The following VCAN variants were observed in gnomAD, a reference collection of about 807,000 sequenced individuals.
The protein encoded by VCAN is versican core protein.
VCAN carries 44 observed loss-of-function variants against 245.5 expected under a neutral mutation model. The observed-to-expected ratio is 0.18, with a 90% CI of 0.14 to 0.23. VCAN has a LOEUF of 0.23. VCAN is among the 10% of genes least tolerant of loss of function. The pLI is 1.00. For synonymous variants in VCAN, 1,413 were observed against 1,437.0 expected (o/e 0.98, Z 0.38); for missense variants, 3,793 against 4,057.9 (o/e 0.93, Z 1.77).
chr5:83,521,286 G>T lies in VCAN; in HGVS notation c.2980G>T (p.Asp994Tyr). 1 of 1,614,074 alleles carries T rather than the reference G, an allele frequency of 6.2e-7. No individual in the cohort carries two copies. The highest frequency in any genetic ancestry group is 8.5e-7 in the Non-Finnish European group (1 of 1,179,932). ...GTTAGTACCTTCTGTTCCATCAGAA[G>T]ATGAAGTTCTAGGTGAACCCTCTCA... is the stretch of plus-strand genomic sequence containing the variant. ...GVLVPSVPSEDEVLGEPSQDI... is the reference protein window; with the variant it reads ...GVLVPSVPSEYEVLGEPSQDI... Residue 994 changes from aspartate (D) to tyrosine (Y), a missense_variant, in exon 7 of 15, where the codon GAT becomes TAT. By Grantham distance (160) the Asp-to-Tyr change is radical (BLOSUM62 -3). Around this residue, in one of 5 missense-constraint regions of VCAN, gnomAD observed 3,182 missense variants for 3,250.3 expected, o/e 0.98. Coordinates refer to ENST00000265077, the MANE Select transcript of VCAN (RefSeq NM_004385.5).
chr5:83,552,984 T>C (rs986119231), intron 10 of VCAN, among the ~76,000 whole-genome samples: 1 of 152,202 alleles, frequency 6.6e-6, no homozygotes, highest in African/African-American at 2.4e-5. Context: ...GGAACTCTTA[T>C]CTATCACTTG....
chr5:83,546,683 C>T (rs892314445), intron 9 of VCAN, among the ~76,000 whole-genome samples: 3 of 152,042 alleles, frequency 2.0e-5, no homozygotes, highest in Non-Finnish European at 1.5e-5. Flanking sequence ...GTCGAGGCTG[C>T]AGTGAGCTGT....
At chr5:83,523,958 C>T (rs532980855) in intron 7 of VCAN, among the ~76,000 whole-genome samples, 12 of 152,158 alleles carry the variant, frequency 7.9e-5, no homozygotes, top group Non-Finnish European at 1.6e-4. Context: ...CACTTAGTTT[C>T]ATAATTTAAA....
chr5:83,519,544 AG>A lies in VCAN; in HGVS notation c.1240del (p.Ala414LeufsTer6). 6.2e-7 allele frequency: 1 copy of A among 1,614,154 alleles called. No individual in the cohort carries two copies. The highest frequency in any genetic ancestry group is 1.3e-5 in the African/African-American group (1 of 75,062). On this transcript the variant is annotated frameshift_variant, in exon 7 of 15. Coordinates refer to ENST00000265077, the MANE Select transcript of VCAN (RefSeq NM_004385.5). LOFTEE classifies it high-confidence loss of function. ...GAACAGAAAGCCACAGTCCAACCTC[AG>A]GCTATCACAGATAGTTTAGCCACCA... is the stretch of plus-strand genomic sequence containing the variant. ...SFEQKATVQP[Q>X]AITDSLATKL...
chr5:83,479,945 G>A (rs1019004731), intron 1 of VCAN, among the ~76,000 whole-genome samples: 3 of 152,176 alleles, frequency 2.0e-5, no homozygotes, highest in Non-Finnish European at 2.9e-5. Context: ...AAATGGGTAA[G>A]AGACTAAGTG....
Position 83,539,642 on chromosome 5 carries a change from T to G in VCAN, c.6639T>G (p.Thr2213=), listed in dbSNP as rs1746883762. The change falls in exon 8 of 15, where the codon ACT becomes ACG. Residue 2213 remains threonine, a synonymous_variant. Transcript: ENST00000265077. ...TTTTCTTAGCTACTGCATTAGTAAC[T>G]GAATCTATACCAGCTGAACATGTAG... ...SHFFLATALV[T]ESIPAEHVVT... The G allele has an allele frequency of 6.2e-7, 1 of 1,613,894 alleles. No homozygotes were observed. The highest frequency in any genetic ancestry group is 1.1e-5 in the South Asian group (1 of 91,090).
intron 3 of VCAN, among the ~76,000 whole-genome samples, chr5:83,492,362 TAAC>T (rs1223935880): frequency 2.0e-5 from 3 of 152,140 alleles, no homozygotes; most frequent in East Asian, 1.9e-4. Flanking sequence ...TTATCCCAAA[TAAC>T]AACAACAACA....
chr5:83,473,736 G>C (rs1744284652), intron 1 of VCAN, among the ~76,000 whole-genome samples: 1 of 152,198 alleles, frequency 6.6e-6, no homozygotes, highest in African/African-American at 2.4e-5. Flanking sequence ...CCCTGATGGA[G>C]AAGTCCCGCA....
intron 7 of VCAN, among the ~76,000 whole-genome samples, chr5:83,533,378 G>C (rs1383386566): frequency 6.6e-6 from 1 of 152,136 alleles, no homozygotes; most frequent in African/African-American, 2.4e-5. Flanking sequence ...AGTAAGGCCA[G>C]TTCTCTAACT....
chr5:83,558,149 C>G (rs1180234324), intron 12 of VCAN, among the ~76,000 whole-genome samples: 5 of 152,150 alleles, frequency 3.3e-5, no homozygotes. Flanking sequence ...TCTGAAACAG[C>G]CTAGGTGTCC....
At chr5:83,489,758 C>T (rs768282526) in intron 2 of VCAN, among the ~76,000 whole-genome samples, 76 of 151,720 alleles carry the variant, frequency 5.0e-4, no homozygotes, top group Non-Finnish European at 9.1e-4. Context: ...ACCTGCCCTA[C>T]GGATTCTAGT....
chr5:83,525,980 C>T (rs1746279857), intron 7 of VCAN, among the ~76,000 whole-genome samples: 1 of 151,736 alleles, frequency 6.6e-6, no homozygotes, highest in Non-Finnish European at 1.5e-5. Flanking sequence ...TGCTCTGTTG[C>T]CCAGGCTGGA....
At chr5:83,547,099 C>G (rs1747256442) in intron 9 of VCAN, among the ~76,000 whole-genome samples, 1 of 152,102 alleles carries the variant, frequency 6.6e-6, no homozygotes, top group South Asian at 2.1e-4. Flanking sequence ...CAGCCTCGAT[C>G]CAGGTATGCC....
intron 2 of VCAN, among the ~76,000 whole-genome samples, chr5:83,488,760 A>T (rs146988435): frequency 2.0e-5 from 3 of 152,356 alleles, no homozygotes; most frequent in Admixed American, 2.0e-4. Context: ...TAATAAACAA[A>T]TGCATAACAG....
At chr5:83,476,944 G>A in intron 1 of VCAN, among the ~76,000 whole-genome samples, 1 of 151,930 alleles carries the variant, frequency 6.6e-6, no homozygotes, top group East Asian at 1.9e-4. Flanking sequence ...TATAAAATGA[G>A]ATTACATATT....
intron 1 of VCAN, among the ~76,000 whole-genome samples, chr5:83,478,035 C>T (rs556141094): frequency 6.6e-6 from 1 of 151,684 alleles, no homozygotes; most frequent in African/African-American, 2.4e-5. Flanking sequence ...CTCCGCCTTC[C>T]AGGTTCAAGC....
At chr5:83,506,140 ACGG>A (rs1327167870) in intron 5 of VCAN, among the ~76,000 whole-genome samples, 12 of 152,122 alleles carry the variant, frequency 7.9e-5, no homozygotes, top group Non-Finnish European at 2.9e-5. Flanking sequence ...CATTTTATCC[ACGG>A]TCTTGGGGAT....
chr5:83,551,486 T>C (rs1206126870), intron 10 of VCAN, among the ~76,000 whole-genome samples: 1 of 151,608 alleles, frequency 6.6e-6, no homozygotes, highest in Non-Finnish European at 1.5e-5. Flanking sequence ...CACTCCAGCC[T>C]GGGTGACAAA....
Position 83,570,875 on chromosome 5 carries a change from C to A in VCAN, c.9736-1541C>A, listed in dbSNP as rs1356265778. ...ATTCACTGATGCTCTGAATTGAAAA[C>A]AATTGCCTTAAATCTTATATACACT... On this transcript the variant is annotated intron_variant, in intron 12 of 14. Transcript: ENST00000265077. 2.7e-5 allele frequency among the ~76,000 whole-genome samples: 4 copies of A among 147,206 alleles called. No individual in the cohort carries two copies. The East Asian group carries it at 6.0e-4, about 22-fold the overall frequency.
Sources: gnomAD v4.1 joint callset for allele counts (sites outside exome capture counted in the v4.1 genomes callset) on GRCh38, gnomAD v4.1.1 for gene constraint, gnomAD v4.1.1 regional missense constraint, MANE v1.5 for transcripts, NCBI Gene and HGNC (gene_info 2026-07-23, HGNC 2026-07-21) for gene names.